Variants in FOCAD observed in about 807,000 individuals in gnomAD.
The protein encoded by FOCAD is KIAA1797.
FOCAD carries 198 observed loss-of-function variants against 225.6 expected under a neutral mutation model. The observed-to-expected ratio is 0.88, with a 90% CI of 0.78 to 0.99. The LOEUF (loss-of-function observed/expected upper bound fraction) is 0.99, where lower values mean the gene tolerates loss of function less well. FOCAD is among the 50% of genes least tolerant of loss of function. The pLI is 0.00. For synonymous variants in FOCAD, 897 were observed against 755.0 expected, an observed-to-expected ratio of 1.19 and a Z score of -3.08; for missense variants, 2,713 against 2,123.6, an observed-to-expected ratio of 1.28 and a Z score of -5.46.
At chr9:20,818,682 T>C (rs936866906) in intron 11 of FOCAD, among the ~76,000 whole-genome samples, 1 of 152,068 alleles carries the variant, frequency 6.6e-6, no homozygotes, top group Non-Finnish European at 1.5e-5. Context: ...TGATTATAAA[T>C]ATAAGTACTC....
chr9:20,665,142 A>C (rs899439710), intron 2 of FOCAD, among the ~76,000 whole-genome samples: 1 of 152,200 alleles, frequency 6.6e-6, no homozygotes, highest in Non-Finnish European at 1.5e-5. Context: ...AGCTAGAGTT[A>C]CTGGCTTAGA....
chr9:20,883,926 A>G (rs1352508520), intron 20 of FOCAD, among the ~76,000 whole-genome samples: 6 of 152,214 alleles, frequency 3.9e-5, no homozygotes, highest in African/African-American at 1.4e-4. Flanking sequence ...ACTCAGTGCA[A>G]TAAAAAACAT....
intron 5 of FOCAD, among the ~76,000 whole-genome samples, chr9:20,757,854 T>A (rs1186665235): frequency 2.0e-5 from 3 of 152,184 alleles, no homozygotes; most frequent in African/African-American, 7.2e-5. Context: ...TTTGGATCTC[T>A]GAGGCTCCTG....
Position 20,923,684 on chromosome 9 carries a change from T to C in FOCAD, c.2877T>C (p.Asn959=), listed in dbSNP as rs762974225. The C allele has an allele frequency of 9.6e-5, 155 of 1,613,916 alleles. No individual in the cohort carries two copies. Among genetic ancestry groups the C allele is most frequent in the Non-Finnish European group, 1.2e-4 (144 of 1,179,928 alleles). ...AAKESPVVKG[N]ALLALSSLAV... ...GGGAGAGTCCGGTAGTGAAAGGCAA[T>C]GCGCTGTTAGCTCTAAGCAGCCTTG... The change falls in exon 25 of 44, where the codon AAT becomes AAC. Residue 959 remains asparagine, a synonymous_variant. Coordinates refer to ENST00000338382, the MANE Select transcript of FOCAD (RefSeq NM_001375567.1).
chr9:20,804,866 G>T (rs1248126752), intron 11 of FOCAD, among the ~76,000 whole-genome samples: 2 of 151,886 alleles, frequency 1.3e-5, no homozygotes, highest in African/African-American at 4.8e-5. Context: ...CAGTGGCGGG[G>T]GGTGGGGGTC....
intron 15 of FOCAD, among the ~76,000 whole-genome samples, chr9:20,844,647 C>T (rs1169332693): frequency 6.6e-6 from 1 of 151,994 alleles, no homozygotes; most frequent in East Asian, 1.9e-4. Context: ...AGGTGTGAGC[C>T]ACTGTACCCG....
At chr9:20,832,158 T>G (rs928462783) in intron 15 of FOCAD, among the ~76,000 whole-genome samples, 1 of 152,118 alleles carries the variant, frequency 6.6e-6, no homozygotes, top group African/African-American at 2.4e-5. Flanking sequence ...GTACAAGCTT[T>G]CATGTCAACG....
intron 28 of FOCAD, among the ~76,000 whole-genome samples, chr9:20,934,876 G>A (rs1373273420): frequency 1.3e-5 from 2 of 151,014 alleles, no homozygotes; most frequent in African/African-American, 4.9e-5. Flanking sequence ...TACAATAGCT[G>A]CAAAAAAAAA....
chr9:20,796,861 T>G (rs1272866294), intron 11 of FOCAD, among the ~76,000 whole-genome samples: 4 of 151,938 alleles, frequency 2.6e-5, no homozygotes, highest in East Asian at 1.9e-4. Context: ...TGCCATTGCT[T>G]TTGGTGTTTT....
At chr9:20,990,455 G>A in intron 42 of FOCAD, 81 bp downstream of exon 42, 1 of 1,495,232 alleles carries the variant, frequency 6.7e-7, no homozygotes, top group Non-Finnish European at 9.1e-7. Context: ...TGAGGTGGGA[G>A]TTAAGTGCGT....
intron 4 of FOCAD, among the ~76,000 whole-genome samples, chr9:20,724,375 A>G (rs1348874145): frequency 6.6e-6 from 1 of 152,132 alleles, no homozygotes; most frequent in Non-Finnish European, 1.5e-5. Context: ...TTCTTTGGCT[A>G]TTTGGCCAAC....
chr9:20,729,591 T>A (rs575251428), intron 4 of FOCAD, among the ~76,000 whole-genome samples: 9 of 152,298 alleles, frequency 5.9e-5, no homozygotes, highest in Non-Finnish European at 1.3e-4. Context: ...GTGTCTTGAT[T>A]GTGTGAGCAT....
intron 11 of FOCAD, among the ~76,000 whole-genome samples, chr9:20,790,823 T>C (rs1330724056): frequency 6.6e-6 from 1 of 152,132 alleles, no homozygotes; most frequent in African/African-American, 2.4e-5. Flanking sequence ...GAATTCCTTT[T>C]TAACCTCAAA....
chr9:20,985,269 A>C (rs1336190364), intron 39 of FOCAD, among the ~76,000 whole-genome samples: 1 of 152,230 alleles, frequency 6.6e-6, no homozygotes, highest in Admixed American at 6.5e-5. Context: ...GAAAATATTG[A>C]ATCACTGAGT....
intron 15 of FOCAD, among the ~76,000 whole-genome samples, chr9:20,823,953 A>G (rs1256520134): frequency 6.6e-6 from 1 of 152,130 alleles, no homozygotes; most frequent in Non-Finnish European, 1.5e-5. Context: ...CAGATGAGGA[A>G]GATAGACCCC....
In FOCAD at chr9:20,948,656, A is replaced by C. The variant is rs545804334; in HGVS notation, c.3799-195A>C. On this transcript the variant is annotated intron_variant, in intron 31 of 43. Transcript: ENST00000338382. ...TTTTGAAAAATAAAAGCAAGAATCC[A>C]CCCATGATCTAACAACCTTAATCTG... Among the ~76,000 whole-genome samples, 3 of 152,290 alleles carry C rather than the reference A, an allele frequency of 2.0e-5. No homozygotes were observed. In the East Asian group the frequency reaches 5.8e-4, roughly 29 times the overall value.
intron 2 of FOCAD, among the ~76,000 whole-genome samples, chr9:20,660,381 G>A (rs898986535): frequency 1.3e-5 from 2 of 152,192 alleles, no homozygotes; most frequent in Non-Finnish European, 2.9e-5. Flanking sequence ...CTCTCAGCCA[G>A]GAAGTGTAGA....
chr9:20,784,957 G>A (rs1819765727), intron 10 of FOCAD, among the ~76,000 whole-genome samples: 1 of 151,358 alleles, frequency 6.6e-6, no homozygotes, highest in Non-Finnish European at 1.5e-5. Context: ...ATTTCCAGCT[G>A]TGTGGCCTTG....
At chr9:20,736,672 T>A (rs2131636886) in intron 4 of FOCAD, among the ~76,000 whole-genome samples, 1 of 152,284 alleles carries the variant, frequency 6.6e-6, no homozygotes, top group South Asian at 2.1e-4. Context: ...TATGTTATAG[T>A]ATAAGTTTTG....
Sources: gnomAD v4.1 joint callset for allele counts (sites outside exome capture counted in the v4.1 genomes callset) on GRCh38, gnomAD v4.1.1 for gene constraint, MANE v1.5 for transcripts, NCBI Gene and HGNC (gene_info 2026-07-23, HGNC 2026-07-21) for gene names.